WNT3A: variants seen among roughly 807,000 people sequenced by gnomAD.
The protein encoded by WNT3A is protein Wnt-3a.
WNT3A carries 17 observed loss-of-function variants against 37.0 expected under a neutral mutation model. The ratio of observed to expected loss-of-function variants is 0.46; its 90% CI spans 0.31 to 0.69. The LOEUF (loss-of-function observed/expected upper bound fraction) is 0.69, where lower values mean the gene tolerates loss of function less well. Ranked by LOEUF, WNT3A falls within the 30% of genes least tolerant of loss-of-function variation. WNT3A has a pLI of 0.05. For synonymous variants in WNT3A, 187 were observed against 211.0 expected (o/e 0.89, Z 0.99); for missense variants, 411 against 510.2 (o/e 0.81, Z 1.87).
intron 3 of WNT3A, among the ~76,000 whole-genome samples, chr1:228,054,801 T>G (rs999700747): frequency 6.7e-6 from 1 of 150,044 alleles, no homozygotes; most frequent in African/African-American, 2.4e-5. Context: ...AAATGCTTAC[T>G]TAGGTTCACA....
intron 2 of WNT3A, among the ~76,000 whole-genome samples, chr1:228,044,749 A>G (rs768775436): frequency 1.3e-5 from 2 of 152,204 alleles, no homozygotes; most frequent in African/African-American, 2.4e-5. Flanking sequence ...AAACACTGTG[A>G]GCAGTTGCGG....
rs560760401 is a variant in WNT3A at position 228,007,045 on chromosome 1, C to G, written c.-84C>G. On this transcript the variant is annotated 5_prime_UTR_variant, in exon 1 of 4. Coordinates refer to ENST00000284523, the MANE Select transcript of WNT3A (RefSeq NM_033131.4). The surrounding 1 kb of genome is among the most constrained non-coding windows in gnomAD (Gnocchi z 6.0). ...CCGCAGGAGGGCCCAGCGACGCCGC[C>G]GCGCCAGCTCCCAGGGCCCGGCCCC... The G allele has an allele frequency of 4.8e-6, 5 of 1,047,166 alleles. No homozygotes were observed. Among genetic ancestry groups the G allele is most frequent in the African/African-American group, 3.4e-5 (2 of 58,044 alleles). 64.9% of individuals were successfully genotyped at this position (1,047,166 alleles called of 1,614,324 possible).
chr1:228,055,180 ATATATATATATATATATAT>A (rs1268275656), intron 3 of WNT3A, among the ~76,000 whole-genome samples: 2 of 14,790 alleles, frequency 1.4e-4, no homozygotes, highest in South Asian at 3.3e-3. Context: ...AAAAAAAAAA[ATATATATATATATATATAT>A]ATATATATAT....
chr1:228,013,825 G>A (rs192930400), intron 1 of WNT3A, among the ~76,000 whole-genome samples: 45 of 152,330 alleles, frequency 3.0e-4, no homozygotes, highest in African/African-American at 1.1e-3. Flanking sequence ...GAAACACTTC[G>A]AGCCTCAGGT....
At chr1:228,030,312 C>T (rs1014107044) in intron 2 of WNT3A, among the ~76,000 whole-genome samples, 6 of 151,232 alleles carry the variant, frequency 4.0e-5, no homozygotes, top group African/African-American at 1.5e-4. Context: ...ACGAGAATCA[C>T]TTGAACCTGG....
At chr1:228,018,777 C>G (rs1429795037) in intron 1 of WNT3A, among the ~76,000 whole-genome samples, 1 of 152,254 alleles carries the variant, frequency 6.6e-6, no homozygotes, top group Non-Finnish European at 1.5e-5. Context: ...CCAGGGCCCT[C>G]CTCTGCACTG....
chr1:228,044,757 C>A (rs188281263), intron 2 of WNT3A, among the ~76,000 whole-genome samples: 13 of 152,342 alleles, frequency 8.5e-5, no homozygotes, highest in Non-Finnish European at 1.8e-4. Context: ...TGAGCAGTTG[C>A]GGAACCGCTT....
Position 228,056,343 on chromosome 1 carries a change from C to T in WNT3A, c.580-2643C>T, listed in dbSNP as rs1045096193. 2.0e-5 allele frequency among the ~76,000 whole-genome samples: 3 copies of T among 152,190 alleles called. No individual in the cohort carries two copies. In the South Asian group the frequency reaches 6.2e-4, roughly 32 times the overall value. On this transcript the variant is annotated intron_variant, in intron 3 of 3. Coordinates refer to ENST00000284523, the MANE Select transcript of WNT3A (RefSeq NM_033131.4). The stretch of plus-strand genomic sequence containing the variant: ...AGAGACATTGTAAAGAGAGATGAAA[C>T]TTCGAAAGATGATCATTAATATCCC...
chr1:228,051,058 G>T, intron 3 of WNT3A, 137 bp downstream of exon 3: 2 of 1,193,794 alleles, frequency 1.7e-6, no homozygotes, highest in Non-Finnish European at 2.3e-6. Context: ...CCTGCCTGGG[G>T]TGTGCGAAGC....
intron 2 of WNT3A, among the ~76,000 whole-genome samples, chr1:228,049,126 G>A (rs531850754): frequency 2.4e-4 from 37 of 152,314 alleles, no homozygotes; most frequent in East Asian, 9.6e-4. Context: ...CTGGGGAGGC[G>A]GGCACTGGAA....
Position 228,050,789 on chromosome 1 carries a change from C to G in WNT3A, c.447C>G (p.Gly149=). 2 of 1,614,014 alleles carry G rather than the reference C, an allele frequency of 1.2e-6. No homozygotes were observed. Among genetic ancestry groups the G allele is most frequent in the Non-Finnish European group, 1.7e-6 (2 of 1,179,980 alleles). The stretch of plus-strand genomic sequence containing the variant: ...GCCACCAGGGCTCACCAGGCAAGGG[C>G]TGGAAGTGGGGTGGCTGTAGCGAGG... The part of the protein sequence containing the change: ...SSRHQGSPGK[G]WKWGGCSEDI... Residue 149 remains glycine, a synonymous_variant, in exon 3 of 4, where the codon GGC becomes GGG. Coordinates refer to ENST00000284523, the MANE Select transcript of WNT3A (RefSeq NM_033131.4). This position sits in a 1 kb window ranked among gnomAD's most constrained non-coding sequence, Gnocchi z 5.0.
rs1163135881 is a variant in WNT3A at position 228,042,688 on chromosome 1, T to C, written c.314-7968T>C. Among the ~76,000 whole-genome samples, 2 of 151,182 alleles carry C rather than the reference T, an allele frequency of 1.3e-5. No individual in the cohort carries two copies. Among genetic ancestry groups the C allele is most frequent in the Admixed American group, 6.6e-5 (1 of 15,208 alleles). On this transcript the variant is annotated intron_variant, in intron 2 of 3. Transcript: ENST00000284523. This position sits in a 1 kb window ranked among gnomAD's most constrained non-coding sequence, Gnocchi z 5.2. ...GGGTAATGGATGGACAATGGATGGATTGTGGATGGATGGTGGATGATGGAT... is the reference window on the plus strand; with the variant it reads ...GGGTAATGGATGGACAATGGATGGACTGTGGATGGATGGTGGATGATGGAT...
At position 228,008,905 on chromosome 1, in the gene WNT3A, CT is replaced by C. The variant is rs201036531; in HGVS notation, c.71+1707del. On this transcript the variant is annotated intron_variant, in intron 1 of 3. Coordinates refer to ENST00000284523, the MANE Select transcript of WNT3A (RefSeq NM_033131.4). The surrounding 1 kb of genome is among the most constrained non-coding windows in gnomAD (Gnocchi z 4.9). ...TATACCTCCTTTTCACCTGGGCCCC[CT>C]GTGTTCTACCCTGAATGGACCCTGA... 3.4e-3 allele frequency among the ~76,000 whole-genome samples: 516 copies of C among 152,288 alleles called. 11 individuals are homozygous for C. Among genetic ancestry groups the C allele is most frequent in the East Asian group, 0.028 (143 of 5,176 alleles).
Position 228,060,639 on chromosome 1 carries a change from T to C in WNT3A, c.*1174T>C. On this transcript the variant is annotated 3_prime_UTR_variant, in exon 4 of 4. Transcript: ENST00000284523. ...CTGCGCCCCAGGCCCCGCCCGTCTC[T>C]GCTCTGCTCAGCTGCGCCCCCTTCT... is the stretch of plus-strand genomic sequence containing the variant. 1 of 202,144 alleles carries C rather than the reference T, an allele frequency of 4.9e-6. No individual in the cohort carries two copies. The highest frequency in any genetic ancestry group is 5.3e-5 in the Admixed American group (1 of 18,796). The allele number at this position is 202,144 out of a possible 1,614,324, so 12.5% of individuals were successfully genotyped here.
At chr1:228,048,772 C>A (rs115769653) in intron 2 of WNT3A, among the ~76,000 whole-genome samples, 2 of 152,216 alleles carry the variant, frequency 1.3e-5, no homozygotes, top group African/African-American at 4.8e-5. Context: ...CCCCTCTCCT[C>A]ATGCCCTTGC....
intron 1 of WNT3A, among the ~76,000 whole-genome samples, chr1:228,018,078 T>C (rs774177315): frequency 1.3e-5 from 2 of 152,200 alleles, no homozygotes; most frequent in Non-Finnish European, 1.5e-5. Context: ...GAGTCCAGGT[T>C]GCATTGTATT....
chr1:228,051,425 A>G (rs1390108617), intron 3 of WNT3A, among the ~76,000 whole-genome samples: 1 of 152,168 alleles, frequency 6.6e-6, no homozygotes, highest in African/African-American at 2.4e-5. Context: ...GGCCAACCCA[A>G]ACCAAGCCGT....
chr1:228,017,380 G>A (rs985782831), intron 1 of WNT3A, among the ~76,000 whole-genome samples: 1 of 152,182 alleles, frequency 6.6e-6, no homozygotes, highest in Non-Finnish European at 1.5e-5. Context: ...GAAAGGTGGA[G>A]AGGCCGCAGG....
chr1:228,043,382 T>G (rs1280007711), intron 2 of WNT3A, among the ~76,000 whole-genome samples: 1 of 152,160 alleles, frequency 6.6e-6, no homozygotes, highest in Non-Finnish European at 1.5e-5. Context: ...AGCATTTGTG[T>G]CTAAGCACCC....
Sources: allele counts gnomAD v4.1 joint callset (sites outside exome capture counted in the v4.1 genomes callset), GRCh38; gene constraint gnomAD v4.1.1; non-coding constraint Gnocchi (gnomAD v3.1); transcripts MANE v1.5; gene names NCBI Gene and HGNC (gene_info 2026-07-23, HGNC 2026-07-21).